Variants in SHANK2 observed in about 807,000 individuals in gnomAD.
SHANK2 encodes the protein SH3 and multiple ankyrin repeat domains 2.
SHANK2 carries 43 observed loss-of-function variants against 133.7 expected under a neutral mutation model. The observed-to-expected ratio is 0.32, with a 90% CI of 0.25 to 0.41. SHANK2 has a LOEUF of 0.41. Among genes scored for constraint, SHANK2 ranks in the 10% least tolerant of loss-of-function variants. The pLI, the probability that SHANK2 is intolerant of heterozygous loss-of-function variation, is 1.00. For missense variants in SHANK2, 1,994 were observed against 2,235.8 expected (o/e 0.89, Z 2.18); for synonymous variants, 1,017 against 952.8 (o/e 1.07, Z -1.24).
chr11:70,916,165 G>A (rs533834703), intron 10 of SHANK2, among the ~76,000 whole-genome samples: 5 of 152,332 alleles, frequency 3.3e-5, no homozygotes, highest in East Asian at 1.9e-4. Context: ...GTGTCTACCT[G>A]TGAATCCTGA....
intron 17 of SHANK2, among the ~76,000 whole-genome samples, chr11:70,538,978 C>T (rs2059579420): frequency 6.6e-6 from 1 of 152,246 alleles, no homozygotes; most frequent in African/African-American, 2.4e-5. Flanking sequence ...CGTCGGCCGC[C>T]ACAAGCCTGG....
chr11:70,666,902 T>A (rs1310963265), intron 15 of SHANK2, among the ~76,000 whole-genome samples: 2 of 152,034 alleles, frequency 1.3e-5, no homozygotes, highest in African/African-American at 4.8e-5. Flanking sequence ...ACTCCCCAAA[T>A]GTTTTCTGAG....
intron 17 of SHANK2, among the ~76,000 whole-genome samples, chr11:70,644,208 TG>T (rs1253233403): frequency 6.6e-6 from 1 of 152,200 alleles, no homozygotes; most frequent in African/African-American, 2.4e-5. Context: ...CATTTTACAG[TG>T]GCCAGTTCAT....
intron 5 of SHANK2, among the ~76,000 whole-genome samples, chr11:71,110,436 TCAAACAAA>T (rs574848819): frequency 2.0e-5 from 3 of 151,480 alleles, no homozygotes; most frequent in Non-Finnish European, 2.9e-5. Context: ...AGACTCCATC[TCAAACAAA>T]CAAACAAACA....
intron 17 of SHANK2, among the ~76,000 whole-genome samples, chr11:70,533,569 C>A (rs1422922364): frequency 6.6e-6 from 1 of 152,204 alleles, no homozygotes; most frequent in Non-Finnish European, 1.5e-5. Context: ...TCTGCCGCAG[C>A]CATGCTGGGT....
chr11:71,078,243 G>T (rs1297429924), intron 8 of SHANK2, among the ~76,000 whole-genome samples: 2 of 151,594 alleles, frequency 1.3e-5, no homozygotes, highest in Non-Finnish European at 1.5e-5. Flanking sequence ...ACACCCACTG[G>T]CTAAAACTGG....
chr11:70,868,172 G>A (rs782217084), intron 11 of SHANK2, among the ~76,000 whole-genome samples: 60 of 152,318 alleles, frequency 3.9e-4, no homozygotes, highest in Admixed American at 1.6e-3. Flanking sequence ...AGACTCCCTC[G>A]TTCTCACTTT....
chr11:70,891,168 G>T (rs947197478), intron 11 of SHANK2, among the ~76,000 whole-genome samples: 1 of 152,160 alleles, frequency 6.6e-6, no homozygotes, highest in Non-Finnish European at 1.5e-5. Context: ...GGAAGAGACT[G>T]GGGCCATATC....
chr11:71,167,357 GCGGCCGGGC>G, intron 2 of SHANK2, among the ~76,000 whole-genome samples: 1 of 151,896 alleles, frequency 6.6e-6, no homozygotes, highest in African/African-American at 2.4e-5. Context: ...CCCAGTAGGG[GCGGCCGGGC>G]AGAGGCGCCC....
intron 2 of SHANK2, among the ~76,000 whole-genome samples, chr11:71,196,419 C>T (rs900337075): frequency 3.9e-5 from 6 of 151,916 alleles, no homozygotes; most frequent in Admixed American, 6.5e-5. Context: ...CCAAGTAGCT[C>T]GGATTACAGG....
intron 15 of SHANK2, among the ~76,000 whole-genome samples, chr11:70,677,126 G>A (rs912011977): frequency 6.6e-6 from 1 of 152,216 alleles, no homozygotes; most frequent in African/African-American, 2.4e-5. Context: ...GTACAGAGGG[G>A]AACTTAGCAA....
chr11:70,889,923 G>A (rs1285841035), intron 11 of SHANK2, among the ~76,000 whole-genome samples: 1 of 152,198 alleles, frequency 6.6e-6, no homozygotes, highest in Non-Finnish European at 1.5e-5. Context: ...ACATGGGGGA[G>A]TAGGAGCTGC....
chr11:70,664,133 G>A (rs1348050176), intron 15 of SHANK2, among the ~76,000 whole-genome samples: 1 of 152,132 alleles, frequency 6.6e-6, no homozygotes, highest in East Asian at 1.9e-4. Flanking sequence ...TGGATTTAGG[G>A]GTCCATGAGG....
At chr11:70,590,342 A>G (rs575563345) in intron 17 of SHANK2, among the ~76,000 whole-genome samples, 1 of 152,214 alleles carries the variant, frequency 6.6e-6, no homozygotes, top group Admixed American at 6.5e-5. Context: ...AATGATAACA[A>G]AGGATTGAGA....
At chr11:71,133,401 G>A (rs1302636559) in intron 3 of SHANK2, among the ~76,000 whole-genome samples, 1 of 125,636 alleles carries the variant, frequency 8.0e-6, no homozygotes, top group Non-Finnish European at 1.7e-5. Flanking sequence ...TGCACAGATG[G>A]AGGGAAGGAT....
At chr11:70,565,494 C>T (rs549074683) in intron 17 of SHANK2, among the ~76,000 whole-genome samples, 10 of 152,230 alleles carry the variant, frequency 6.6e-5, no homozygotes, top group Non-Finnish European at 1.0e-4. Flanking sequence ...GATCCACCCA[C>T]CTCGGCCTCC....
At chr11:70,635,288 AAG>A (rs2061057724) in intron 17 of SHANK2, 1 of 152,256 alleles carries the variant, frequency 6.6e-6, no homozygotes, top group African/African-American at 2.4e-5. Flanking sequence ...CATGGTAGCT[AAG>A]AGGTGGACGC....
intron 14 of SHANK2, chr11:70,705,327 C>T (rs572160425): frequency 6.6e-6 from 1 of 152,292 alleles, no homozygotes; most frequent in East Asian, 1.9e-4. Flanking sequence ...TACACATCTC[C>T]ATGGCCCTCT....
chr11:70,705,778 A>G (rs1945649799), intron 14 of SHANK2: 2 of 152,260 alleles, frequency 1.3e-5, no homozygotes, highest in Admixed American at 1.3e-4. Context: ...AGTGCTCCAC[A>G]TACATGGAGG....
Sources: gnomAD v4.1 joint callset for allele counts (sites outside exome capture counted in the v4.1 genomes callset) on GRCh38, gnomAD v4.1.1 for gene constraint, MANE v1.5 for transcripts, NCBI Gene and HGNC (gene_info 2026-07-23, HGNC 2026-07-21) for gene names.